LRRC4C: variants seen among roughly 807,000 people sequenced by gnomAD.
LRRC4C encodes the protein leucine rich repeat containing 4C, also known as leucine-rich repeat-containing protein 4C.
Under a neutral mutation model 33.6 loss-of-function variants are expected in LRRC4C, and 5 were observed. The ratio of observed to expected loss-of-function variants is 0.15; its 90% CI spans 0.08 to 0.31. The LOEUF (loss-of-function observed/expected upper bound fraction) is 0.31, where lower values mean the gene tolerates loss of function less well. Ranked by LOEUF, LRRC4C falls within the 10% of genes least tolerant of loss-of-function variation. The pLI is 1.00. For missense variants in LRRC4C, 560 were observed against 796.7 expected (o/e 0.70, Z 3.58); for synonymous variants, 329 against 302.0 (o/e 1.09, Z -0.93).
chr11:40,185,512 T>C (rs923904847), intron 5 of LRRC4C, among the ~76,000 whole-genome samples: 3 of 152,110 alleles, frequency 2.0e-5, no homozygotes, highest in African/African-American at 7.2e-5. Context: ...ATAATTTAGT[T>C]AGGCATCTGA....
intron 1 of LRRC4C, among the ~76,000 whole-genome samples, chr11:41,069,930 A>G (rs1435149284): frequency 6.6e-6 from 1 of 152,214 alleles, no homozygotes; most frequent in African/African-American, 2.4e-5. Context: ...TAAATTTCAT[A>G]TGGAACCAGA....
intron 4 of LRRC4C, among the ~76,000 whole-genome samples, chr11:40,314,490 C>T (rs1590286311): frequency 1.3e-5 from 2 of 152,034 alleles, no homozygotes; most frequent in East Asian, 3.9e-4. Flanking sequence ...AAAGTATGAA[C>T]GTTCCTCAAA....
At chr11:40,580,673 T>TA (rs1446497415) in intron 3 of LRRC4C, among the ~76,000 whole-genome samples, 1 of 152,204 alleles carries the variant, frequency 6.6e-6, no homozygotes, top group Admixed American at 6.5e-5. Flanking sequence ...GATTCCCTAT[T>TA]AAAAGACAAA....
At chr11:40,714,978 G>A (rs1165008933) in intron 2 of LRRC4C, among the ~76,000 whole-genome samples, 1 of 152,130 alleles carries the variant, frequency 6.6e-6, no homozygotes, top group Non-Finnish European at 1.5e-5. Flanking sequence ...ACTGTTTAGA[G>A]GACACTATAA....
chr11:40,163,315 G>T (rs940746672), intron 5 of LRRC4C, among the ~76,000 whole-genome samples: 1 of 152,326 alleles, frequency 6.6e-6, no homozygotes, highest in South Asian at 2.1e-4. Context: ...AAGATTGCCT[G>T]TCTTTCAGAG....
intron 2 of LRRC4C, among the ~76,000 whole-genome samples, chr11:40,783,471 TTTTTTA>T (rs1438901452): frequency 2.0e-5 from 3 of 151,630 alleles, no homozygotes; most frequent in South Asian, 4.2e-4. Flanking sequence ...ATTTGTTTCT[TTTTTTA>T]TTTTTATTTT....
Position 41,340,248 on chromosome 11 carries a change from C to A in LRRC4C, c.-496+119183G>T, listed in dbSNP as rs1352836365. On this transcript the variant is annotated intron_variant, in intron 1 of 6. Coordinates refer to ENST00000528697, the MANE Select transcript of LRRC4C (RefSeq NM_001258419.2). ...AGATTTTGATTTTTGTGTGGTTTTT[C>A]TTTTAAAAAATTCTACATAAAGAAA... 2.6e-5 allele frequency among the ~76,000 whole-genome samples: 4 copies of A among 152,092 alleles called. No homozygotes were observed. The East Asian group carries it at 5.8e-4, about 22-fold the overall frequency.
At chr11:40,641,375 T>G (rs966296904) in intron 3 of LRRC4C, among the ~76,000 whole-genome samples, 7 of 152,174 alleles carry the variant, frequency 4.6e-5, no homozygotes, top group African/African-American at 1.7e-4. Flanking sequence ...AATTTAAGTG[T>G]AAAGTAAAAA....
intron 2 of LRRC4C, among the ~76,000 whole-genome samples, chr11:40,679,265 C>CG (rs1555143100): frequency 1.3e-5 from 2 of 150,874 alleles, no homozygotes; most frequent in African/African-American, 4.9e-5. Context: ...TTAAAGGCAC[C>CG]TTTTTTTTTA....
intron 1 of LRRC4C, among the ~76,000 whole-genome samples, chr11:40,973,479 A>G (rs1481935291): frequency 6.6e-6 from 1 of 152,184 alleles, no homozygotes; most frequent in Non-Finnish European, 1.5e-5. Context: ...TTGATCAACT[A>G]GTAACTGGCT....
intron 1 of LRRC4C, among the ~76,000 whole-genome samples, chr11:41,294,219 C>T (rs970238100): frequency 2.0e-5 from 3 of 152,180 alleles, no homozygotes; most frequent in Non-Finnish European, 4.4e-5. Context: ...ACACACATTG[C>T]CTAGGCTTTG....
chr11:40,289,489 T>C (rs1051303290), intron 4 of LRRC4C, among the ~76,000 whole-genome samples: 3 of 152,204 alleles, frequency 2.0e-5, no homozygotes, highest in Non-Finnish European at 2.9e-5. Flanking sequence ...AGTAGCTTTC[T>C]GGGCATAGGG....
chr11:40,335,457 TAGA>T lies in LRRC4C; in HGVS notation c.-269-15739_-269-15737del, dbSNP rs558866515. Among the ~76,000 whole-genome samples the T allele has an allele frequency of 3.8e-3, 585 of 152,218 alleles. 4 individuals are homozygous for T. Among genetic ancestry groups the T allele is most frequent in the African/African-American group, 0.013 (553 of 41,540 alleles). On this transcript the variant is annotated intron_variant, in intron 3 of 6. Coordinates refer to ENST00000528697, the MANE Select transcript of LRRC4C (RefSeq NM_001258419.2). ...CTTCCAAATGAAATAGCCAAAACAATAGAAAATAAAGAATTAAGACATTTAATA... is the reference window on the plus strand; with the variant it reads ...CTTCCAAATGAAATAGCCAAAACAATAAATAAAGAATTAAGACATTTAATA...
At chr11:41,304,690 C>T (rs1950420518) in intron 1 of LRRC4C, among the ~76,000 whole-genome samples, 1 of 98,672 alleles carries the variant, frequency 1.0e-5, no homozygotes, top group Non-Finnish European at 2.1e-5. Flanking sequence ...AGCCCCCCGC[C>T]CGGCCAGCCA....
chr11:40,331,498 TTGAC>T lies in LRRC4C; in HGVS notation c.-269-11781_-269-11778del, dbSNP rs199510308. ...TATAAAAAAGAATGAAATACTGTCA[TTGAC>T]TGAAACATGGATGGGCTTGGAGGAT... On this transcript the variant is annotated intron_variant, in intron 3 of 6. Transcript: ENST00000528697. Among the ~76,000 whole-genome samples, 663 of 152,320 alleles carry T rather than the reference TTGAC, an allele frequency of 4.4e-3. 14 individuals are homozygous for T. The highest frequency in any genetic ancestry group is 0.031 in the Admixed American group (478 of 15,298).
At chr11:40,593,349 C>A (rs999964069) in intron 3 of LRRC4C, among the ~76,000 whole-genome samples, 1 of 152,116 alleles carries the variant, frequency 6.6e-6, no homozygotes, top group African/African-American at 2.4e-5. Flanking sequence ...TAATTTTTTT[C>A]TCTGTCCCTT....
At chr11:40,288,062 T>C (rs1335883761) in intron 4 of LRRC4C, among the ~76,000 whole-genome samples, 1 of 152,218 alleles carries the variant, frequency 6.6e-6, no homozygotes, top group Non-Finnish European at 1.5e-5. Context: ...GCGTGGCATA[T>C]GCAATCTGAT....
At chr11:40,237,681 T>A (rs1218840071) in intron 5 of LRRC4C, among the ~76,000 whole-genome samples, 3 of 152,200 alleles carry the variant, frequency 2.0e-5, no homozygotes, top group Non-Finnish European at 4.4e-5. Flanking sequence ...TACTTGTTTT[T>A]AAACTAAAAA....
intron 1 of LRRC4C, among the ~76,000 whole-genome samples, chr11:41,119,871 C>T (rs552554805): frequency 7.2e-5 from 11 of 152,204 alleles, no homozygotes; most frequent in African/African-American, 2.6e-4. Context: ...TTCAATTTTG[C>T]AACGCTGAAC....
Sources: allele counts gnomAD v4.1 joint callset (sites outside exome capture counted in the v4.1 genomes callset), GRCh38; gene constraint gnomAD v4.1.1; transcripts MANE v1.5; gene names NCBI Gene and HGNC (gene_info 2026-07-23, HGNC 2026-07-21).